SKI: variants seen among roughly 807,000 people sequenced by gnomAD.
The protein encoded by SKI is SKI proto-oncogene, also known as ski oncogene.
A neutral mutation model predicts 59.3 loss-of-function variants in SKI; 23 were observed. The observed-to-expected ratio is 0.39, with a 90% CI of 0.28 to 0.55. SKI has a LOEUF of 0.55. SKI is among the 20% of genes least tolerant of loss of function. The pLI is 0.67. For synonymous variants in SKI, 673 were observed against 488.6 expected (o/e 1.38, Z -4.98); for missense variants, 1,017 against 1,038.9 (o/e 0.98, Z 0.29).
chr1:2,309,518 T>A lies in SKI; in HGVS notation c.*2753T>A, dbSNP rs1053825897. ...ATATGCTGGGTCCTTTTTCAGAAAC[T>A]CTTTTCTTACCTGAGAGTTGTCTTG... On this transcript the variant is annotated 3_prime_UTR_variant, in exon 7 of 7. Coordinates refer to ENST00000378536, the MANE Select transcript of SKI (RefSeq NM_003036.4). 1.3e-5 allele frequency: 2 copies of A among 152,074 alleles called. No homozygotes were observed. The highest frequency in any genetic ancestry group is 6.6e-5 in the Admixed American group (1 of 15,262). 9.4% of individuals were successfully genotyped at this position (152,074 alleles called of 1,614,324 possible). A position where few individuals can be genotyped will look rare whatever the true frequency, so the allele number is the denominator to read the frequency against.
chr1:2,236,606 C>T (rs1403857932), intron 1 of SKI, among the ~76,000 whole-genome samples: 1 of 152,122 alleles, frequency 6.6e-6, no homozygotes, highest in Non-Finnish European at 1.5e-5. Context: ...GGGGTTTTAC[C>T]ATGTTGGCCA....
chr1:2,264,030 C>T (rs1007124874), intron 1 of SKI, among the ~76,000 whole-genome samples: 17 of 151,472 alleles, frequency 1.1e-4, no homozygotes, highest in Non-Finnish European at 2.9e-5. Context: ...AAAAAAGTTT[C>T]GTGGAACTTA....
chr1:2,243,434 C>T, intron 1 of SKI, among the ~76,000 whole-genome samples: 1 of 152,338 alleles, frequency 6.6e-6, no homozygotes, highest in East Asian at 1.9e-4. Flanking sequence ...TGCAGGAGCT[C>T]CTGTCAGGCT....
At chr1:2,285,469 C>A (rs560204660) in intron 1 of SKI, among the ~76,000 whole-genome samples, 1 of 150,554 alleles carries the variant, frequency 6.6e-6, no homozygotes, top group African/African-American at 2.4e-5. Flanking sequence ...GAGCTGAGAT[C>A]GTGCCACTGC....
rs879043759 is a variant in SKI at position 2,306,771 on chromosome 1, G to C, written c.*6G>C. On this transcript the variant is annotated 3_prime_UTR_variant, in exon 7 of 7. Coordinates refer to ENST00000378536, the MANE Select transcript of SKI (RefSeq NM_003036.4). ...CTGCGGAGCTGGAGCCGTAGATTCC[G>C]TGCCTGCCGCCGCAGCGCCGCCGAC... is the stretch of plus-strand genomic sequence containing the variant. The C allele has an allele frequency of 2.0e-6, 3 of 1,501,864 alleles. No individual in the cohort carries two copies. Among genetic ancestry groups the C allele is most frequent in the Non-Finnish European group, 2.7e-6 (3 of 1,129,730 alleles). The allele number at this position is 1,501,864 out of a possible 1,614,324, so 93.0% of individuals were successfully genotyped here.
chr1:2,272,743 C>T (rs768624809), intron 1 of SKI, among the ~76,000 whole-genome samples: 9 of 152,164 alleles, frequency 5.9e-5, no homozygotes, highest in African/African-American at 2.2e-4. Flanking sequence ...CTGTCAATAG[C>T]GTGTTGGAGT....
chr1:2,291,144 T>C (rs903919), intron 1 of SKI, among the ~76,000 whole-genome samples: 133,733 of 152,294 alleles, frequency 0.88, 58,945 homozygotes, highest in African/African-American at 0.95. Context: ...GGGATGCTCA[T>C]GCCAGCTTGC....
chr1:2,274,398 C>T (rs1167065403), intron 1 of SKI, among the ~76,000 whole-genome samples: 5 of 152,120 alleles, frequency 3.3e-5, no homozygotes, highest in Admixed American at 2.0e-4. Flanking sequence ...CCACCCATGA[C>T]GGCTGTGCTG....
intron 1 of SKI, among the ~76,000 whole-genome samples, chr1:2,234,322 CGTCT>C (rs1638706145): frequency 6.6e-6 from 1 of 152,232 alleles, no homozygotes; most frequent in African/African-American, 2.4e-5. Context: ...GTCTGTCATC[CGTCT>C]GTCTGGGACC....
chr1:2,272,069 C>T (rs921286698), intron 1 of SKI, among the ~76,000 whole-genome samples: 4 of 152,338 alleles, frequency 2.6e-5, no homozygotes, highest in East Asian at 1.9e-4. Context: ...CCCCAGGCCA[C>T]CTTGCTCTCT....
chr1:2,235,129 G>A (rs1057271505), intron 1 of SKI, among the ~76,000 whole-genome samples: 20 of 147,576 alleles, frequency 1.4e-4, no homozygotes, highest in Admixed American at 1.3e-3. Flanking sequence ...TGCAGCCTCC[G>A]TCTCCTGGGT....
At position 2,229,689 on chromosome 1, in the gene SKI, A is replaced by G. The variant is rs1276404635; in HGVS notation, c.923A>G (p.Lys308Arg). The G allele has an allele frequency of 1.9e-6, 3 of 1,600,528 alleles. No homozygotes were observed. Among genetic ancestry groups the G allele is most frequent in the Non-Finnish European group, 1.7e-6 (2 of 1,174,430 alleles). Reference protein sequence around the residue: ...ARLGRCLDDVKEKFDYGNKYK... With the variant: ...ARLGRCLDDVREKFDYGNKYK... ...CTCGGCCGCTGCCTGGACGACGTGA[A>G]GGAGAAATTCGACTATGGCAACAAG... Residue 308 changes from lysine (K) to arginine (R), a missense_variant, in exon 1 of 7, where the codon AAG becomes AGG. Physicochemically the swap from Lys to Arg is conservative, Grantham distance 26 (BLOSUM62 2). Coordinates refer to ENST00000378536, the MANE Select transcript of SKI (RefSeq NM_003036.4). The surrounding 1 kb of genome is among the most constrained non-coding windows in gnomAD (Gnocchi z 6.3).
At chr1:2,239,365 C>A (rs886452457) in intron 1 of SKI, among the ~76,000 whole-genome samples, 1 of 152,162 alleles carries the variant, frequency 6.6e-6, no homozygotes, top group Non-Finnish European at 1.5e-5. Context: ...ACAAGGTAAA[C>A]CCCCTGGGTT....
intron 1 of SKI, among the ~76,000 whole-genome samples, chr1:2,295,269 T>G (rs1426675601): frequency 6.6e-6 from 1 of 152,236 alleles, no homozygotes; most frequent in East Asian, 1.9e-4. Context: ...AGCGCCCCTC[T>G]GGCTCCCAGG....
At chr1:2,259,721 G>C (rs961170637) in intron 1 of SKI, among the ~76,000 whole-genome samples, 1 of 152,176 alleles carries the variant, frequency 6.6e-6, no homozygotes, top group Non-Finnish European at 1.5e-5. Context: ...TTCTCCCCAG[G>C]CTGCAGCAGT....
chr1:2,283,353 G>C (rs549350401), intron 1 of SKI, among the ~76,000 whole-genome samples: 10 of 103,284 alleles, frequency 9.7e-5, no homozygotes, highest in Middle Eastern at 0.011. Context: ...AGCCTCAGGG[G>C]GGGGAGGGCA....
chr1:2,292,022 C>G (rs938255274), intron 1 of SKI, among the ~76,000 whole-genome samples: 1 of 152,178 alleles, frequency 6.6e-6, no homozygotes, highest in Non-Finnish European at 1.5e-5. Context: ...ATGGCACTTA[C>G]AAAAATAGCT....
intron 1 of SKI, among the ~76,000 whole-genome samples, chr1:2,300,703 G>A (rs866380986): frequency 6.6e-6 from 1 of 152,242 alleles, no homozygotes; most frequent in African/African-American, 2.4e-5. Flanking sequence ...CGCCCTGAGA[G>A]CCGGGAGTCG....
rs1277553889 is a variant in SKI at position 2,306,939 on chromosome 1, T to C, written c.*174T>C. Reference sequence around the variant, plus strand: ...AGTTTTGGAACCCACTGCAAAATTTTCTACTGGCCAAGTTCAAGTGAGTAA... The same window carrying C: ...AGTTTTGGAACCCACTGCAAAATTTCCTACTGGCCAAGTTCAAGTGAGTAA... On this transcript the variant is annotated 3_prime_UTR_variant, in exon 7 of 7. Coordinates refer to ENST00000378536, the MANE Select transcript of SKI (RefSeq NM_003036.4). 3 of 403,674 alleles carry C rather than the reference T, an allele frequency of 7.4e-6. No individual in the cohort carries two copies. Among genetic ancestry groups the C allele is most frequent in the Admixed American group, 5.0e-5 (1 of 19,916 alleles). 25.0% of individuals were successfully genotyped at this position (403,674 alleles called of 1,614,324 possible).
Sources: allele counts gnomAD v4.1 joint callset (sites outside exome capture counted in the v4.1 genomes callset), GRCh38; gene constraint gnomAD v4.1.1; non-coding constraint Gnocchi (gnomAD v3.1); transcripts MANE v1.5; gene names NCBI Gene and HGNC (gene_info 2026-07-23, HGNC 2026-07-21).